SYNE2: variants seen among roughly 807,000 people sequenced by gnomAD.
SYNE2 encodes spectrin repeat containing nuclear envelope protein 2.
Under a neutral mutation model 856.3 loss-of-function variants are expected in SYNE2, and 431 were observed. The observed-to-expected ratio is 0.50, with a 90% CI of 0.47 to 0.55. The LOEUF (loss-of-function observed/expected upper bound fraction) is 0.55, where lower values mean the gene tolerates loss of function less well. Ranked by LOEUF, SYNE2 falls within the 20% of genes least tolerant of loss-of-function variation. The probability of loss-of-function intolerance (pLI) is 0.00; values close to 1 mark genes in which losing one functional copy is unlikely to be tolerated. For synonymous variants in SYNE2, 2,923 were observed against 2,872.3 expected (o/e 1.02, Z -0.56); for missense variants, 8,129 against 8,023.2 (o/e 1.01, Z -0.50).
At chr14:63,817,839 C>T (rs142582329) in intron 1 of SYNE2, among the ~76,000 whole-genome samples, 1 of 151,570 alleles carries the variant, frequency 6.6e-6, no homozygotes, top group African/African-American at 2.4e-5. Context: ...GCTTGGGCAA[C>T]ACAGGGAGAC....
At chr14:64,091,129 A>T (rs544298043) in intron 60 of SYNE2, 81 bp downstream of exon 60, 19 of 1,264,050 alleles carry the variant, frequency 1.5e-5, no homozygotes, top group Middle Eastern at 2.1e-4. Context: ...TCTAATTGAA[A>T]TTCATTATTA....
Position 64,177,274 on chromosome 14 carries a change from A to T in SYNE2, c.17431-84A>T, listed in dbSNP as rs2098439442. On this transcript the variant is annotated intron_variant, in intron 95 of 115. Coordinates refer to ENST00000555002, the MANE Select transcript of SYNE2 (RefSeq NM_182914.3). ...TAAAAACAAACTTAATAGAAAGATT[A>T]TGTGGATTAAATGAGCTATTCTATT... The T allele has an allele frequency of 2.0e-6, 3 of 1,526,804 alleles. No individual in the cohort carries two copies. In the Admixed American group the frequency reaches 5.1e-5, roughly 26 times the overall value. The allele number at this position is 1,526,804 out of a possible 1,614,324, so 94.6% of individuals were successfully genotyped here.
intron 1 of SYNE2, among the ~76,000 whole-genome samples, chr14:63,882,893 T>C (rs1289435138): frequency 6.6e-6 from 1 of 152,118 alleles, no homozygotes; most frequent in Non-Finnish European, 1.5e-5. Context: ...TGGTTTCATC[T>C]ATAAATTGTT....
intron 1 of SYNE2, among the ~76,000 whole-genome samples, chr14:63,899,172 T>A (rs2153314198): frequency 6.6e-6 from 1 of 152,282 alleles, no homozygotes; most frequent in African/African-American, 2.4e-5. Context: ...TTTGTGAATG[T>A]CAGGTTTTTT....
At chr14:64,155,359 A>G (rs1348721770) in intron 85 of SYNE2, among the ~76,000 whole-genome samples, 2 of 152,212 alleles carry the variant, frequency 1.3e-5, no homozygotes, top group Non-Finnish European at 2.9e-5. Flanking sequence ...CAGTCACAAA[A>G]GGTCACATAT....
At chr14:64,144,806 CAG>C (rs955324955) in intron 83 of SYNE2, among the ~76,000 whole-genome samples, 65 of 152,092 alleles carry the variant, frequency 4.3e-4, no homozygotes, top group African/African-American at 1.5e-3. Flanking sequence ...ATGATGTGCA[CAG>C]AGTGTTCAAT....
At chr14:64,196,084 G>T (rs2139788325) in intron 99 of SYNE2, among the ~76,000 whole-genome samples, 1 of 152,348 alleles carries the variant, frequency 6.6e-6, no homozygotes, top group East Asian at 1.9e-4. Context: ...TTCACGTTCA[G>T]CAGGTTGCAG....
intron 1 of SYNE2, among the ~76,000 whole-genome samples, chr14:63,829,249 C>A (rs774217707): frequency 6.6e-6 from 1 of 151,684 alleles, no homozygotes; most frequent in African/African-American, 2.4e-5. Context: ...CCCATCTCTA[C>A]GAAAAAAGTT....
chr14:64,145,325 C>G (rs1398589873), intron 83 of SYNE2, among the ~76,000 whole-genome samples: 1 of 151,748 alleles, frequency 6.6e-6, no homozygotes, highest in Non-Finnish European at 1.5e-5. Flanking sequence ...ATCACAAGGT[C>G]AGGTGTTTTC....
chr14:64,070,695 A>G lies in SYNE2; in HGVS notation c.10482A>G (p.Glu3494=). ...ATAATCTTCAGGAAGAACTCCCTGAAATTTCCAAAACAAAAGAGGCAGCCA... is the reference window on the plus strand; with the variant it reads ...ATAATCTTCAGGAAGAACTCCCTGAGATTTCCAAAACAAAAGAGGCAGCCA... ...ILDNLQEELP[E]ISKTKEAATT... The change falls in exon 52 of 116, where the codon GAA becomes GAG. Residue 3494 remains glutamate (E), a synonymous_variant. Transcript: ENST00000555002. 1.2e-6 allele frequency: 2 copies of G among 1,614,014 alleles called. No homozygotes were observed. The highest frequency in any genetic ancestry group is 1.7e-6 in the Non-Finnish European group (2 of 1,179,980).
intron 1 of SYNE2, among the ~76,000 whole-genome samples, chr14:63,840,751 G>A (rs1299426851): frequency 6.6e-6 from 1 of 152,152 alleles, no homozygotes; most frequent in Admixed American, 6.6e-5. Flanking sequence ...AGTGGCTCAT[G>A]CCTGTAATCT....
At chr14:63,947,487 C>T (rs992405752) in intron 6 of SYNE2, among the ~76,000 whole-genome samples, 2 of 152,142 alleles carry the variant, frequency 1.3e-5, no homozygotes, top group Non-Finnish European at 2.9e-5. Context: ...TATGTTGAAA[C>T]AATCAAAATT....
At chr14:63,805,000 C>G (rs1019640884) in intron 1 of SYNE2, among the ~76,000 whole-genome samples, 1 of 152,156 alleles carries the variant, frequency 6.6e-6, no homozygotes, top group African/African-American at 2.4e-5. Context: ...AATAAGGAGT[C>G]CTTTTCCTGT....
At chr14:64,027,346 A>G (rs1347562193) in intron 42 of SYNE2, 138 bp from the exon 43 acceptor site, 11 of 585,620 alleles carry the variant, frequency 1.9e-5, no homozygotes, top group African/African-American at 3.7e-5. Context: ...ACAGTGTTCT[A>G]ATATCAAAAG....
chr14:64,150,719 A>G (rs897251272), intron 84 of SYNE2, among the ~76,000 whole-genome samples: 2 of 152,258 alleles, frequency 1.3e-5, no homozygotes, highest in African/African-American at 4.8e-5. Context: ...AATTCAAAGA[A>G]GGAAAGTGAT....
intron 66 of SYNE2, among the ~76,000 whole-genome samples, chr14:64,118,056 C>T (rs192486285): frequency 2.6e-5 from 4 of 152,300 alleles, no homozygotes; most frequent in African/African-American, 7.2e-5. Context: ...TTACAGCTTG[C>T]TTGGATGAAG....
chr14:64,022,178 CAA>C (rs2096940511), intron 37 of SYNE2, 150 bp downstream of exon 37: 1 of 765,426 alleles, frequency 1.3e-6, no homozygotes, highest in East Asian at 2.6e-5. Context: ...CTTTTGGGAG[CAA>C]AGACTGATTT....
chr14:64,018,196 T>G (rs756589121), intron 34 of SYNE2, among the ~76,000 whole-genome samples: 42 of 152,172 alleles, frequency 2.8e-4, no homozygotes, highest in Non-Finnish European at 5.0e-4. Context: ...AAATGCATAA[T>G]TGCTCCCGGG....
At chr14:64,029,156 G>A (rs1195990263) in intron 43 of SYNE2, among the ~76,000 whole-genome samples, 5 of 151,972 alleles carry the variant, frequency 3.3e-5, no homozygotes, top group African/African-American at 9.7e-5. Flanking sequence ...TAATTAAGAG[G>A]TAAAATGTCA....
Sources: gnomAD v4.1 joint callset for allele counts (sites outside exome capture counted in the v4.1 genomes callset) on GRCh38, gnomAD v4.1.1 for gene constraint, MANE v1.5 for transcripts, NCBI Gene and HGNC (gene_info 2026-07-23, HGNC 2026-07-21) for gene names.